FXN: variants seen among roughly 807,000 people sequenced by gnomAD.
The protein encoded by FXN is frataxin, mitochondrial.
FXN carries 14 observed loss-of-function variants against 22.4 expected under a neutral mutation model. The observed-to-expected ratio is 0.62, with a 90% CI of 0.41 to 0.98. FXN has a LOEUF of 0.98. Among genes scored for constraint, FXN ranks in the 50% least tolerant of loss-of-function variants. The pLI is 0.00. For synonymous variants in FXN, 120 were observed against 114.1 expected (o/e 1.05, Z -0.33); for missense variants, 267 against 268.4 (o/e 0.99, Z 0.04).
chr9:69,053,515 A>G lies in FXN; in HGVS notation c.384+255A>G, dbSNP rs79687921. On this transcript the variant is annotated intron_variant, in intron 3 of 4. Coordinates refer to ENST00000484259, the MANE Select transcript of FXN (RefSeq NM_000144.5). ...TGGATGGATGGATGGATGGATAGAT[A>G]GATAGATAGATAGATAGATAGCTGG... Among the ~76,000 whole-genome samples the G allele has an allele frequency of 0.53, 55,769 of 104,498 alleles. 11,117 individuals carry two copies. The highest frequency in any genetic ancestry group is 0.6 in the Middle Eastern group (124 of 206). The allele number at this position is 104,498 out of a possible 152,430, so 68.6% of individuals were successfully genotyped here. A position where few individuals can be genotyped will look rare whatever the true frequency, so the allele number is the denominator to read the frequency against.
intron 2 of FXN, among the ~76,000 whole-genome samples, chr9:69,050,929 C>T (rs532551843): frequency 2.0e-5 from 3 of 151,934 alleles, no homozygotes; most frequent in South Asian, 4.2e-4. Context: ...TACAGGCATG[C>T]GCCACTATGC....
At position 69,056,660 on chromosome 9, in the gene FXN, A is replaced by C. The variant is rs561181459; in HGVS notation, c.384+3400A>C. Among the ~76,000 whole-genome samples the C allele has an allele frequency of 2.6e-5, 4 of 152,228 alleles. No homozygotes were observed. The East Asian group carries it at 7.7e-4, about 29-fold the overall frequency. Reference sequence around the variant, plus strand: ...CTGTGGTCAGTGGTTATCAGGAAGGAATGCTAGTCAGTTGTGCTGAAACCA... The same window carrying C: ...CTGTGGTCAGTGGTTATCAGGAAGGCATGCTAGTCAGTTGTGCTGAAACCA... On this transcript the variant is annotated intron_variant, in intron 3 of 4. Transcript: ENST00000484259.
At chr9:69,056,498 T>C (rs1831961021) in intron 3 of FXN, among the ~76,000 whole-genome samples, 1 of 152,190 alleles carries the variant, frequency 6.6e-6, no homozygotes, top group African/African-American at 2.4e-5. Flanking sequence ...TGAGACTGCA[T>C]ATCTACATAA....
chr9:69,054,340 G>A (rs1587822515), intron 3 of FXN, among the ~76,000 whole-genome samples: 1 of 152,186 alleles, frequency 6.6e-6, no homozygotes, highest in Non-Finnish European at 1.5e-5. Flanking sequence ...ATTAGCCCCA[G>A]ATCCTAGAAG....
intron 1 of FXN, among the ~76,000 whole-genome samples, chr9:69,041,457 C>T (rs768698102): frequency 1.3e-5 from 2 of 152,178 alleles, no homozygotes; most frequent in Non-Finnish European, 2.9e-5. Context: ...TCTGTTGTTA[C>T]GATGGTGCTG....
At chr9:69,045,526 G>T (rs1831736159) in intron 1 of FXN, among the ~76,000 whole-genome samples, 1 of 152,200 alleles carries the variant, frequency 6.6e-6, no homozygotes, top group Admixed American at 6.5e-5. Flanking sequence ...CCGGGAGGCG[G>T]GGGTTGCAGT....
intron 3 of FXN, among the ~76,000 whole-genome samples, chr9:69,058,631 A>T (rs374267887): frequency 1.3e-5 from 2 of 152,216 alleles, no homozygotes; most frequent in South Asian, 4.1e-4. Context: ...ACAAATTAAC[A>T]GAGTTTTATT....
intron 4 of FXN, among the ~76,000 whole-genome samples, chr9:69,071,752 T>C (rs1170601484): frequency 6.6e-6 from 1 of 152,132 alleles, no homozygotes; most frequent in Non-Finnish European, 1.5e-5. Context: ...ATTGCTGGGG[T>C]GCTAGGAGAG....
intron 2 of FXN, among the ~76,000 whole-genome samples, chr9:69,052,904 G>A (rs1186031273): frequency 6.6e-6 from 1 of 150,544 alleles, no homozygotes; most frequent in Non-Finnish European, 1.5e-5. Flanking sequence ...ATTTCGAGAA[G>A]CTGAGGCACG....
chr9:69,060,196 G>A (rs3793458), intron 3 of FXN, among the ~76,000 whole-genome samples: 52,207 of 151,740 alleles, frequency 0.34, 9,788 homozygotes, highest in Non-Finnish European at 0.41. Flanking sequence ...GTGAAACCCC[G>A]TCTCTACTAA....
intron 4 of FXN, 45 bp downstream of exon 4, chr9:69,065,080 C>A: frequency 7.0e-7 from 1 of 1,435,308 alleles, no homozygotes; most frequent in Non-Finnish European, 9.8e-7. Flanking sequence ...TTCTTAAAGA[C>A]TTCCGAAATG....
intron 3 of FXN, among the ~76,000 whole-genome samples, chr9:69,057,268 T>C (rs1831977654): frequency 6.6e-6 from 1 of 152,198 alleles, no homozygotes; most frequent in African/African-American, 2.4e-5. Flanking sequence ...GCTTAGAATT[T>C]TGTTTTTATT....
chr9:69,071,280 C>G, intron 4 of FXN: 1 of 519,046 alleles, frequency 1.9e-6, no homozygotes, highest in Non-Finnish European at 3.8e-6. Flanking sequence ...TCATTTTTAT[C>G]TCCATACTGG....
In FXN at chr9:69,073,773, G is replaced by C; in HGVS notation, c.*1011G>C. ...TCCTGTCAAGCAACCTAACAGGCTA[G>C]TTCTAATTCCCTATTGGGTAGATGA... is the stretch of plus-strand genomic sequence containing the variant. On this transcript the variant is annotated 3_prime_UTR_variant, in exon 5 of 5. Coordinates refer to ENST00000484259, the MANE Select transcript of FXN (RefSeq NM_000144.5). The C allele has an allele frequency of 3.0e-6, 3 of 985,418 alleles. No individual in the cohort carries two copies. Among genetic ancestry groups the C allele is most frequent in the Non-Finnish European group, 3.6e-6 (3 of 829,920 alleles). 61.0% of individuals were successfully genotyped at this position (985,418 alleles called of 1,614,324 possible).
intron 3 of FXN, among the ~76,000 whole-genome samples, chr9:69,054,282 G>A (rs891525950): frequency 6.6e-6 from 1 of 152,202 alleles, no homozygotes; most frequent in African/African-American, 2.4e-5. Flanking sequence ...TAACAGGCGT[G>A]AGCCACCAGG....
In FXN at chr9:69,049,590, C is replaced by A. The variant is rs1225490418; in HGVS notation, c.263+3108C>A. Among the ~76,000 whole-genome samples, 3 of 152,212 alleles carry A rather than the reference C, an allele frequency of 2.0e-5. No individual in the cohort carries two copies. In the East Asian group the frequency reaches 5.8e-4, roughly 29 times the overall value. ...TTATAACCTACAGATATTAATATAT[C>A]CTCACAGGGGCACAAAAGCTCTTAC... On this transcript the variant is annotated intron_variant, in intron 2 of 4. Coordinates refer to ENST00000484259, the MANE Select transcript of FXN (RefSeq NM_000144.5).
intron 2 of FXN, among the ~76,000 whole-genome samples, chr9:69,049,232 G>A (rs1831810901): frequency 6.6e-6 from 1 of 152,156 alleles, no homozygotes; most frequent in Non-Finnish European, 1.5e-5. Flanking sequence ...TATAAAGTCG[G>A]TTGTGTCCTT....
At chr9:69,047,301 T>C (rs9411171) in intron 2 of FXN, among the ~76,000 whole-genome samples, 73,467 of 146,842 alleles carry the variant, frequency 0.5, 18,122 homozygotes, top group Middle Eastern at 0.63. Flanking sequence ...CTCCCAGCTT[T>C]AGGAATGGCT....
chr9:69,067,015 C>A (rs1199953434), intron 4 of FXN, among the ~76,000 whole-genome samples: 1 of 152,216 alleles, frequency 6.6e-6, no homozygotes, highest in African/African-American at 2.4e-5. Flanking sequence ...TCCGGCAGAT[C>A]CAGAGTGGCC....
Sources: gnomAD v4.1 joint callset for allele counts (sites outside exome capture counted in the v4.1 genomes callset) on GRCh38, gnomAD v4.1.1 for gene constraint, MANE v1.5 for transcripts, NCBI Gene and HGNC (gene_info 2026-07-23, HGNC 2026-07-21) for gene names.